The following PRKN variants were observed in gnomAD, a reference collection of about 807,000 sequenced individuals.
PRKN encodes parkin RBR E3 ubiquitin protein ligase.
A neutral mutation model predicts 59.5 loss-of-function variants in PRKN; 56 were observed. That is an observed-to-expected ratio of 0.94 (90% CI 0.76 to 1.18). The LOEUF is 1.18. PRKN is among the 50% of genes most tolerant of loss of function. The probability of loss-of-function intolerance (pLI) is 0.00; values close to 1 mark genes in which losing one functional copy is unlikely to be tolerated. For synonymous variants in PRKN, 250 were observed against 222.1 expected (o/e 1.13, Z -1.12); for missense variants, 657 against 596.4 (o/e 1.10, Z -1.06).
At chr6:161,907,586 T>C (rs1778195466) in intron 6 of PRKN, among the ~76,000 whole-genome samples, 3 of 152,168 alleles carry the variant, frequency 2.0e-5, no homozygotes, top group African/African-American at 4.8e-5. Context: ...CTTTGTGTCA[T>C]TGATTTATTT....
At chr6:162,391,886 T>C (rs1787217128) in intron 2 of PRKN, among the ~76,000 whole-genome samples, 1 of 152,210 alleles carries the variant, frequency 6.6e-6, no homozygotes, top group South Asian at 2.1e-4. Context: ...GCCAACGCAT[T>C]ACATTTTTCC....
intron 7 of PRKN, among the ~76,000 whole-genome samples, chr6:161,706,575 T>C (rs1786506599): frequency 6.7e-6 from 1 of 148,284 alleles, no homozygotes; most frequent in Non-Finnish European, 1.5e-5. Context: ...TTGGAACCTG[T>C]GCTTGCAGTA....
chr6:161,671,986 C>A (rs994633629), intron 7 of PRKN, among the ~76,000 whole-genome samples: 1 of 152,136 alleles, frequency 6.6e-6, no homozygotes, highest in African/African-American at 2.4e-5. Context: ...CTCATGAACT[C>A]GATAGAGTTC....
chr6:162,584,477 A>G (rs1256970178), intron 1 of PRKN, among the ~76,000 whole-genome samples: 1 of 152,084 alleles, frequency 6.6e-6, no homozygotes, highest in African/African-American at 2.4e-5. Context: ...GCTGCTACTG[A>G]TTAGAGACAG....
chr6:161,907,669 T>G (rs1778198544), intron 6 of PRKN, among the ~76,000 whole-genome samples: 1 of 152,166 alleles, frequency 6.6e-6, no homozygotes, highest in African/African-American at 2.4e-5. Flanking sequence ...GAAAGTGACG[T>G]AAGACGTGAG....
At chr6:161,787,931 C>T (rs1178757094) in intron 6 of PRKN, among the ~76,000 whole-genome samples, 1 of 152,214 alleles carries the variant, frequency 6.6e-6, no homozygotes, top group East Asian at 1.9e-4. Context: ...CAGAGTGAGG[C>T]TCTGCCTCAA....
At chr6:161,628,020 C>T (rs1783156010) in intron 7 of PRKN, among the ~76,000 whole-genome samples, 1 of 152,000 alleles carries the variant, frequency 6.6e-6, no homozygotes, top group African/African-American at 2.4e-5. Context: ...GATAATTAAA[C>T]AAACAAACAT....
intron 7 of PRKN, among the ~76,000 whole-genome samples, chr6:161,678,216 CTTT>C (rs3066554): frequency 4.2e-4 from 27 of 64,924 alleles, no homozygotes; most frequent in African/African-American, 1.8e-3. Context: ...TACTGAATCA[CTTT>C]TTTTTTTTTT....
Position 161,530,472 on chromosome 6 carries a change from T to A in PRKN, c.1083+18382A>T, listed in dbSNP as rs1015059408. Reference sequence around the variant, plus strand: ...ACCAGCAGGAATTGGAGCAGCCTCATTCCGTGTCGAAGAAGACCTATACGG... The same window carrying A: ...ACCAGCAGGAATTGGAGCAGCCTCAATCCGTGTCGAAGAAGACCTATACGG... On this transcript the variant is annotated intron_variant, in intron 9 of 11. Transcript: ENST00000366898. The surrounding 1 kb of genome is among the most constrained non-coding windows in gnomAD (Gnocchi z 5.0). Among the ~76,000 whole-genome samples, 1 of 152,138 alleles carries A rather than the reference T, an allele frequency of 6.6e-6. No homozygotes were observed. Among genetic ancestry groups the A allele is most frequent in the Non-Finnish European group, 1.5e-5 (1 of 68,014 alleles).
rs185371760 is a variant in PRKN at position 162,405,179 on chromosome 6, T to C, written c.171+38131A>G. On this transcript the variant is annotated intron_variant, in intron 2 of 11. Transcript: ENST00000366898. ...GGCAGCCTGTTCTGACACTTGGACG[T>C]CTTCCAACGCAGACTTTCAGTATTA... is the stretch of plus-strand genomic sequence containing the variant. 6.6e-3 allele frequency among the ~76,000 whole-genome samples: 1,003 copies of C among 152,278 alleles called. 7 individuals are homozygous for C. Among genetic ancestry groups the C allele is most frequent in the Middle Eastern group, 0.014 (4 of 294 alleles).
chr6:162,150,189 T>C lies in PRKN; in HGVS notation c.534+50942A>G, dbSNP rs1189316578. 3.9e-5 allele frequency among the ~76,000 whole-genome samples: 6 copies of C among 152,236 alleles called. No individual in the cohort carries two copies. The East Asian group carries it at 7.7e-4, about 20-fold the overall frequency. Reference sequence around the variant, plus strand: ...GTGAGTAAATACAGAAACAGATGGATATTTTAAAAATACCTGACGGACAAC... The same window carrying C: ...GTGAGTAAATACAGAAACAGATGGACATTTTAAAAATACCTGACGGACAAC... On this transcript the variant is annotated intron_variant, in intron 4 of 11. Coordinates refer to ENST00000366898, the MANE Select transcript of PRKN (RefSeq NM_004562.3).
intron 2 of PRKN, among the ~76,000 whole-genome samples, chr6:162,385,562 G>A (rs1354528202): frequency 1.3e-4 from 20 of 152,108 alleles, no homozygotes; most frequent in Non-Finnish European, 2.9e-5. Context: ...ATGTGACACC[G>A]TGGTGTTTAA....
intron 2 of PRKN, among the ~76,000 whole-genome samples, chr6:162,331,340 A>G (rs940017327): frequency 6.6e-6 from 1 of 152,162 alleles, no homozygotes; most frequent in Non-Finnish European, 1.5e-5. Context: ...CATCAATCCT[A>G]AACAGTGGGT....
rs369698629 is a variant in PRKN at position 162,460,027 on chromosome 6, T to C, written c.8-16554A>G. Among the ~76,000 whole-genome samples the C allele has an allele frequency of 2.6e-5, 4 of 152,180 alleles. No individual in the cohort carries two copies. In the South Asian group the frequency reaches 6.2e-4, roughly 24 times the overall value. The stretch of plus-strand genomic sequence containing the variant: ...TTCTACTCCTAGGCTATATACTTGA[T>C]AGAAATGAAAAATATGTCCAAATAA... On this transcript the variant is annotated intron_variant, in intron 1 of 11. Transcript: ENST00000366898.
Position 161,412,868 on chromosome 6 carries a change from T to C in PRKN, c.1084-25991A>G, listed in dbSNP as rs146874029. ...CTCCACTCACTCATTCTTTCCTCAC[T>C]CATTCCTCCACTCACTCATTCCTTC... is the stretch of plus-strand genomic sequence containing the variant. On this transcript the variant is annotated intron_variant, in intron 9 of 11. Transcript: ENST00000366898. Among the ~76,000 whole-genome samples, 472 of 151,904 alleles carry C rather than the reference T, an allele frequency of 3.1e-3. 6 individuals are homozygous for C. The highest frequency in any genetic ancestry group is 0.011 in the African/African-American group (459 of 41,372).
In PRKN at chr6:162,565,028, G is replaced by A. The variant is rs144753866; in HGVS notation, c.8-121555C>T. On this transcript the variant is annotated intron_variant, in intron 1 of 11. Coordinates refer to ENST00000366898, the MANE Select transcript of PRKN (RefSeq NM_004562.3). ...TAAGTAAAAAGACTAAACAATGAAC[G>A]AATCAAAAATAATAACTGAAATAAC... is the stretch of plus-strand genomic sequence containing the variant. 7.2e-5 allele frequency among the ~76,000 whole-genome samples: 11 copies of A among 151,986 alleles called. No individual in the cohort carries two copies. In the East Asian group the frequency reaches 9.7e-4, roughly 13 times the overall value.
intron 5 of PRKN, among the ~76,000 whole-genome samples, chr6:162,044,046 A>G (rs1432306678): frequency 6.6e-6 from 1 of 152,236 alleles, no homozygotes; most frequent in Admixed American, 6.5e-5. Context: ...TAGGGAAGAC[A>G]AAAATGCCAA....
At chr6:161,702,829 T>G (rs997418511) in intron 7 of PRKN, among the ~76,000 whole-genome samples, 1 of 152,150 alleles carries the variant, frequency 6.6e-6, no homozygotes, top group South Asian at 2.1e-4. Context: ...CAAATAATTC[T>G]GAGGCCTGAT....
intron 7 of PRKN, among the ~76,000 whole-genome samples, chr6:161,689,250 C>T (rs148442807): frequency 1.9e-3 from 286 of 151,564 alleles, no homozygotes; most frequent in African/African-American, 6.4e-3. Flanking sequence ...AACCCAGATC[C>T]CGGTTCCCTC....
Sources: allele counts gnomAD v4.1 joint callset (sites outside exome capture counted in the v4.1 genomes callset), GRCh38; gene constraint gnomAD v4.1.1; non-coding constraint Gnocchi (gnomAD v3.1); transcripts MANE v1.5; gene names NCBI Gene and HGNC (gene_info 2026-07-23, HGNC 2026-07-21).